Variants in SUCLG2 observed in about 807,000 individuals in gnomAD.
SUCLG2 encodes the protein succinate-CoA ligase GDP-forming subunit beta.
In SUCLG2, 42 loss-of-function variants were observed where a neutral mutation model predicts 47.9. That is an observed-to-expected ratio of 0.88 (90% confidence interval 0.69 to 1.14). The LOEUF (loss-of-function observed/expected upper bound fraction) is 1.14, where lower values mean the gene tolerates loss of function less well. Among genes scored for constraint, SUCLG2 ranks in the 50% most tolerant of loss-of-function variants. The pLI, the probability that SUCLG2 is intolerant of heterozygous loss-of-function variation, is 0.00. For synonymous variants in SUCLG2, 195 were observed against 197.3 expected (o/e 0.99, Z 0.10); for missense variants, 571 against 525.9 (o/e 1.09, Z -0.84).
chr3:67,485,311 C>T (rs970013717), intron 9 of SUCLG2, among the ~76,000 whole-genome samples: 5 of 152,014 alleles, frequency 3.3e-5, no homozygotes, highest in African/African-American at 7.3e-5. Context: ...CTGTTATGTA[C>T]CCCCAAAGCT....
chr3:67,367,744 C>G (rs144043401), intron 10 of SUCLG2, among the ~76,000 whole-genome samples: 1 of 152,096 alleles, frequency 6.6e-6, no homozygotes, highest in Non-Finnish European at 1.5e-5. Context: ...CAAAATTGTC[C>G]TTAGTTGAGA....
At chr3:67,472,440 A>T (rs1313305817) in intron 9 of SUCLG2, among the ~76,000 whole-genome samples, 1 of 152,192 alleles carries the variant, frequency 6.6e-6, no homozygotes. Flanking sequence ...TAATTTTTAC[A>T]TTTTATCACA....
At chr3:67,419,678 C>T (rs1474672819) in intron 9 of SUCLG2, among the ~76,000 whole-genome samples, 6 of 152,040 alleles carry the variant, frequency 3.9e-5, no homozygotes, top group African/African-American at 1.2e-4. Context: ...TATGAAATTT[C>T]CTCCTCCTTG....
At chr3:67,394,519 A>C (rs563710289) in intron 10 of SUCLG2, among the ~76,000 whole-genome samples, 3 of 150,830 alleles carry the variant, frequency 2.0e-5, no homozygotes, top group African/African-American at 7.3e-5. Flanking sequence ...ATATGGGACT[A>C]TGTGAAAAGA....
At chr3:67,437,755 G>A (rs990065490) in intron 9 of SUCLG2, among the ~76,000 whole-genome samples, 27 of 151,998 alleles carry the variant, frequency 1.8e-4, no homozygotes, top group Non-Finnish European at 2.6e-4. Context: ...AAGTTCTTAA[G>A]AGATGATAAT....
In SUCLG2 at chr3:67,360,738, A is replaced by G. The variant is rs1197351448; in HGVS notation, c.1214T>C (p.Met405Thr). 6.6e-7 allele frequency: 1 copy of G among 1,525,538 alleles called. No individual in the cohort carries two copies. Among genetic ancestry groups the G allele is most frequent in the Non-Finnish European group, 8.7e-7 (1 of 1,143,050 alleles). The allele number at this position is 1,525,538 out of a possible 1,614,324, so 94.5% of individuals were successfully genotyped here. The stretch of plus-strand genomic sequence containing the variant: ...ATTTCCTGTTTCTTGTTTTATGTGC[A>G]TATAACTTCCTTTTTTTTCCATAAA... Residue 405 changes from methionine to threonine, a missense_variant, in exon 11 of 11, where the codon ATG becomes ACG. Coordinates refer to the SUCLG2 transcript ENST00000493112.
At chr3:67,424,339 T>C (rs1199819590) in intron 9 of SUCLG2, among the ~76,000 whole-genome samples, 2 of 152,348 alleles carry the variant, frequency 1.3e-5, no homozygotes, top group African/African-American at 2.4e-5. Context: ...TTGACATCTC[T>C]ATTTCCATTC....
rs182061279 is a variant in SUCLG2 at position 67,583,213 on chromosome 3, G to A, written c.226+26242C>T. 3.6e-3 allele frequency among the ~76,000 whole-genome samples: 544 copies of A among 152,008 alleles called. 2 individuals are homozygous for A. Among genetic ancestry groups the A allele is most frequent in the African/African-American group, 0.013 (519 of 41,440 alleles). On this transcript the variant is annotated intron_variant, in intron 2 of 10. Transcript: ENST00000307227. ...TCTGGCCATGCCACTTCCAGCAGAG[G>A]GCCAAACCTGCTGCAGATGCCTCTG...
At position 67,609,401 on chromosome 3, in the gene SUCLG2, C is replaced by T; in HGVS notation, c.226+54G>A. On this transcript the variant is annotated intron_variant, in intron 2 of 10. Coordinates refer to ENST00000307227, the MANE Select transcript of SUCLG2 (RefSeq NM_003848.4). ...AAATTAACTAGTGGGAAGCCACTAC[C>T]TGTGAATTCACTGATTTGGGCAAGT... The T allele has an allele frequency of 2.5e-6, 4 of 1,576,960 alleles. No homozygotes were observed. In the South Asian group the frequency reaches 4.6e-5, roughly 18 times the overall value.
chr3:67,624,362 A>G (rs1700786863), intron 1 of SUCLG2, among the ~76,000 whole-genome samples: 1 of 152,220 alleles, frequency 6.6e-6, no homozygotes, highest in African/African-American at 2.4e-5. Context: ...GTGAGGTCTG[A>G]AGTCCACTAT....
At chr3:67,429,837 T>C (rs929393479) in intron 9 of SUCLG2, among the ~76,000 whole-genome samples, 1 of 151,766 alleles carries the variant, frequency 6.6e-6, no homozygotes, top group Non-Finnish European at 1.5e-5. Flanking sequence ...CCAACAAAGA[T>C]CAAAAGAGAC....
intron 9 of SUCLG2, among the ~76,000 whole-genome samples, chr3:67,423,751 T>C (rs1703231198): frequency 6.6e-6 from 1 of 152,214 alleles, no homozygotes. Flanking sequence ...TTTAACATTT[T>C]TGACATCAGA....
At chr3:67,652,667 GATATA>G (rs1412970513) in intron 1 of SUCLG2, among the ~76,000 whole-genome samples, 4 of 152,294 alleles carry the variant, frequency 2.6e-5, no homozygotes, top group African/African-American at 7.2e-5. Flanking sequence ...TTTGCATGTT[GATATA>G]ATATATTTTC....
intron 7 of SUCLG2, among the ~76,000 whole-genome samples, chr3:67,508,294 G>C (rs1010574128): frequency 6.6e-6 from 1 of 152,120 alleles, no homozygotes. Context: ...TTCCATAAAG[G>C]CATATGCCTT....
chr3:67,570,140 T>C (rs1252694064), intron 2 of SUCLG2, among the ~76,000 whole-genome samples: 3 of 152,304 alleles, frequency 2.0e-5, no homozygotes, highest in African/African-American at 7.2e-5. Context: ...GAGGTAATCA[T>C]CTGCAAGTCA....
At position 67,379,169 on chromosome 3, in the gene SUCLG2, C is replaced by A. The variant is rs538600134; in HGVS notation, c.1184-3310G>T. ...ACCATGTTGGCCAGGCTGATCTTAA[C>A]CTCCTGACCTCAAGTGATCCACTTG... On this transcript the variant is annotated intron_variant, in intron 10 of 10. Coordinates refer to ENST00000307227, the MANE Select transcript of SUCLG2 (RefSeq NM_003848.4). 5.9e-5 allele frequency among the ~76,000 whole-genome samples: 9 copies of A among 152,190 alleles called. 1 individual carries two copies. Among genetic ancestry groups the A allele is most frequent in the Admixed American group, 2.6e-4 (4 of 15,292 alleles).
chr3:67,598,188 C>T (rs892875933), intron 2 of SUCLG2, among the ~76,000 whole-genome samples: 1 of 151,900 alleles, frequency 6.6e-6, no homozygotes, highest in South Asian at 2.1e-4. Flanking sequence ...CACTGTGTTG[C>T]CCAGGCTGTT....
intron 2 of SUCLG2, among the ~76,000 whole-genome samples, chr3:67,565,617 T>C (rs149606199): frequency 2.0e-5 from 3 of 152,340 alleles, no homozygotes; most frequent in East Asian, 1.9e-4. Flanking sequence ...TAGCTAAAGT[T>C]TGTAAACTCT....
At chr3:67,624,051 G>A (rs1443457210) in intron 1 of SUCLG2, among the ~76,000 whole-genome samples, 4 of 152,218 alleles carry the variant, frequency 2.6e-5, no homozygotes, top group African/African-American at 7.2e-5. Flanking sequence ...ATGAAAGCTT[G>A]CAAGGGACAG....
Sources: allele counts gnomAD v4.1 joint callset (sites outside exome capture counted in the v4.1 genomes callset), GRCh38; gene constraint gnomAD v4.1.1; transcripts MANE v1.5; gene names NCBI Gene and HGNC (gene_info 2026-07-23, HGNC 2026-07-21).